Variants in PLCH2 observed in about 807,000 individuals in gnomAD.
PLCH2 encodes phospholipase C eta 2.
A neutral mutation model predicts 134.7 loss-of-function variants in PLCH2; 98 were observed. That is an observed-to-expected ratio of 0.73 (90% CI 0.62 to 0.86). The LOEUF is 0.86. PLCH2 is among the 40% of genes least tolerant of loss of function. The pLI is 0.00. For synonymous variants in PLCH2, 974 were observed against 827.5 expected (o/e 1.18, Z -3.04); for missense variants, 1,994 against 1,986.6 (o/e 1.00, Z -0.07).
At chr1:2,468,037 C>T (rs1206697933) in intron 1 of PLCH2, among the ~76,000 whole-genome samples, 4 of 152,212 alleles carry the variant, frequency 2.6e-5, no homozygotes, top group African/African-American at 4.8e-5. Flanking sequence ...GGGTCCTGAC[C>T]TCCAGCTTGA....
At chr1:2,472,701 T>C (rs1468355238), upstream of PLCH2, among the ~76,000 whole-genome samples, 1 of 151,946 alleles carries the variant, frequency 6.6e-6, no homozygotes, top group Non-Finnish European at 1.5e-5. Context: ...GGAGGTCCTT[T>C]GAAATGTCCT....
intron 2 of PLCH2, among the ~76,000 whole-genome samples, chr1:2,438,383 C>T (rs1478624906): frequency 2.6e-5 from 4 of 152,146 alleles, no homozygotes; most frequent in African/African-American, 7.2e-5. Flanking sequence ...ACTGTGAGGC[C>T]GAGGGGCCCA....
At position 2,479,491 on chromosome 1, in the gene PLCH2, G is replaced by A. The variant is rs1417649013; in HGVS notation, c.272-243G>A. The A allele has an allele frequency of 1.1e-4, 54 of 469,570 alleles. No homozygotes were observed. In the Admixed American group the frequency reaches 1.4e-3, roughly 12 times the overall value. 29.1% of individuals were successfully genotyped at this position (469,570 alleles called of 1,614,324 possible). A position where few individuals can be genotyped will look rare whatever the true frequency, so the allele number is the denominator to read the frequency against. On this transcript the variant is annotated intron_variant, in intron 2 of 21. Transcript: ENST00000378486. Reference sequence around the variant, plus strand: ...TGGAGGGAGGTGGATGCTCTCCCTCGTGGGGGCGTGTCTTTTCCACAGGAA... The same window carrying A: ...TGGAGGGAGGTGGATGCTCTCCCTCATGGGGGCGTGTCTTTTCCACAGGAA...
At chr1:2,492,049 C>T (rs909099954) in intron 11 of PLCH2, among the ~76,000 whole-genome samples, 7 of 152,244 alleles carry the variant, frequency 4.6e-5, no homozygotes, top group Middle Eastern at 3.2e-3. Context: ...GCTGGGGACA[C>T]GGTCTCCTGG....
intron 10 of PLCH2, among the ~76,000 whole-genome samples, chr1:2,490,671 TG>T (rs1458630901): frequency 6.6e-6 from 1 of 152,252 alleles, no homozygotes; most frequent in Admixed American, 6.5e-5. Context: ...CACGCCTCTG[TG>T]TGGCCCACGT....
chr1:2,480,112 C>T (rs1641880285), intron 3 of PLCH2, 71 bp from the exon 4 acceptor site: 20 of 1,597,996 alleles, frequency 1.3e-5, no homozygotes, highest in Non-Finnish European at 8.5e-7. Flanking sequence ...ATTCCTTCCT[C>T]CCTAGGCCAG....
rs1464818936 is a variant in PLCH2 at position 2,498,714 on chromosome 1, C to T, written c.2350-30C>T. 1 of 1,585,444 alleles carries T rather than the reference C, an allele frequency of 6.3e-7. No homozygotes were observed. Reference sequence around the variant, plus strand: ...GGGCGGGCCGGGCATCGCGATGGGCCCTGATGCCACCCCCACTCCTGTGTC... The same window carrying T: ...GGGCGGGCCGGGCATCGCGATGGGCTCTGATGCCACCCCCACTCCTGTGTC... On this transcript the variant is annotated intron_variant, in intron 17 of 21. Transcript: ENST00000378486. The surrounding 1 kb of genome is among the most constrained non-coding windows in gnomAD (Gnocchi z 5.4).
At chr1:2,429,628 G>A (rs761956586) in intron 1 of PLCH2, among the ~76,000 whole-genome samples, 4 of 152,184 alleles carry the variant, frequency 2.6e-5, no homozygotes, top group Non-Finnish European at 4.4e-5. Flanking sequence ...AGCCAAGCGG[G>A]GCTGCCCTTG....
chr1:2,449,205 G>T (rs1480637544), intron 2 of PLCH2, among the ~76,000 whole-genome samples: 1 of 150,798 alleles, frequency 6.6e-6, no homozygotes, highest in African/African-American at 2.4e-5. Flanking sequence ...AAACTGGGGC[G>T]TCTGGCCAGC....
Position 2,496,653 on chromosome 1 carries a change from G to A in PLCH2, c.1882G>A (p.Asp628Asn). 6.2e-7 allele frequency: 1 copy of A among 1,612,290 alleles called. No individual in the cohort carries two copies. The highest frequency in any genetic ancestry group is 8.5e-7 in the Non-Finnish European group (1 of 1,179,548). Reference sequence around the variant, plus strand: ...CATGAAGCTGTCCCGGGCCCTCTCTGACCTGGTGAAGTACACCAAGTCCGT... The same window carrying A: ...CATGAAGCTGTCCCGGGCCCTCTCTAACCTGGTGAAGTACACCAAGTCCGT... ...KTMKLSRALS[D>N]LVKYTKSVAT... The change falls in exon 14 of 22, where the codon GAC (aspartate) becomes AAC (asparagine). Residue 628 changes from aspartate to asparagine, a missense_variant. Coordinates refer to ENST00000378486, the MANE Select transcript of PLCH2 (RefSeq NM_014638.4).
rs548582225 is a variant in PLCH2 at position 2,486,070 on chromosome 1, G to A, written c.817-837G>A. Among the ~76,000 whole-genome samples the A allele has an allele frequency of 1.4e-3, 215 of 152,296 alleles. 1 individual carries two copies. Among genetic ancestry groups the A allele is most frequent in the Non-Finnish European group, 2.0e-3 (139 of 68,006 alleles). On this transcript the variant is annotated intron_variant, in intron 5 of 21. Coordinates refer to ENST00000378486, the MANE Select transcript of PLCH2 (RefSeq NM_014638.4). ...GCCCTGTGCCCTGGCCACCAGGGGC[G>A]GCACCAGCATGTGTCTGTGGGTGAC... is the stretch of plus-strand genomic sequence containing the variant.
At chr1:2,468,231 G>A (rs369232407) in intron 1 of PLCH2, among the ~76,000 whole-genome samples, 1 of 152,228 alleles carries the variant, frequency 6.6e-6, no homozygotes, top group African/African-American at 2.4e-5. Context: ...TGCTTTCTCT[G>A]GGGGGCCTGC....
chr1:2,497,417 G>T, intron 15 of PLCH2, 85 bp from the exon 16 acceptor site: 1 of 883,786 alleles, frequency 1.1e-6, no homozygotes, highest in Non-Finnish European at 1.8e-6. Context: ...CTGTGCAGGG[G>T]AGGCTAGCGT....
chr1:2,474,390 C>T (rs368803848), upstream of PLCH2, among the ~76,000 whole-genome samples: 1,634 of 85,168 alleles, frequency 0.019, 34 homozygotes, highest in African/African-American at 0.081. Context: ...AGGCCTGTGT[C>T]AGGAAGGGAT....
chr1:2,418,328 G>C, the PLCH2 span, among the ~76,000 whole-genome samples: 1 of 152,332 alleles, frequency 6.6e-6, no homozygotes, highest in East Asian at 1.9e-4. Flanking sequence ...ACAGGAGTGG[G>C]GGTGTTTTAG....
intron 2 of PLCH2, 57 bp downstream of exon 2, chr1:2,478,679 A>T: frequency 2.6e-6 from 4 of 1,523,406 alleles, no homozygotes; most frequent in Non-Finnish European, 2.7e-6. Context: ...ACACGACGGT[A>T]GGGACCCTCC....
intron 2 of PLCH2, among the ~76,000 whole-genome samples, chr1:2,449,259 G>A (rs1640086033): frequency 6.6e-6 from 1 of 152,090 alleles, no homozygotes; most frequent in Admixed American, 6.5e-5. Flanking sequence ...GGGAGGCTGA[G>A]GCGGGTGGAT....
chr1:2,442,947 A>G (rs1303618348), intron 2 of PLCH2, among the ~76,000 whole-genome samples: 1 of 152,118 alleles, frequency 6.6e-6, no homozygotes, highest in East Asian at 1.9e-4. Context: ...GGAACCGACG[A>G]AGTGCCTGGA....
Position 2,504,512 on chromosome 1 carries a change from C to T in PLCH2, c.3550C>T (p.Pro1184Ser), listed in dbSNP as rs751360942. ...GAHMGRLPPR[P>S]HSASAARPDL... Reference sequence around the variant, plus strand: ...CCACATGGGACGCCTGCCCCCCAGGCCCCACTCGGCTTCGGCTGCCCGCCC... The same window carrying T: ...CCACATGGGACGCCTGCCCCCCAGGTCCCACTCGGCTTCGGCTGCCCGCCC... Residue 1184 changes from proline (P) to serine (S), a missense_variant, in exon 22 of 22, where the codon CCC becomes TCC. Pro to Ser is a moderately conservative substitution (Grantham distance 74, BLOSUM62 -1). Around this residue, in one of 2 missense-constraint regions of PLCH2, gnomAD observed 900 missense variants for 752.3 expected, o/e 1.20. Coordinates refer to ENST00000378486, the MANE Select transcript of PLCH2 (RefSeq NM_014638.4). 9 of 1,612,480 alleles carry T rather than the reference C, an allele frequency of 5.6e-6. No homozygotes were observed. Among genetic ancestry groups the T allele is most frequent in the Admixed American group, 1.7e-5 (1 of 60,008 alleles).
Sources: allele counts gnomAD v4.1 joint callset (sites outside exome capture counted in the v4.1 genomes callset), GRCh38; gene constraint gnomAD v4.1.1; regional missense constraint gnomAD v4.1.1; non-coding constraint Gnocchi (gnomAD v3.1); transcripts MANE v1.5; gene names NCBI Gene and HGNC (gene_info 2026-07-23, HGNC 2026-07-21).